The following THRB variants were observed in gnomAD, a reference collection of about 807,000 sequenced individuals.
THRB encodes the protein thyroid hormone receptor beta.
THRB carries 12 observed loss-of-function variants against 47.8 expected under a neutral mutation model. That is an observed-to-expected ratio of 0.25 (90% CI 0.16 to 0.41). The LOEUF (loss-of-function observed/expected upper bound fraction) is 0.41, where lower values mean the gene tolerates loss of function less well. Among genes scored for constraint, THRB ranks in the 10% least tolerant of loss-of-function variants. The pLI, the probability that THRB is intolerant of heterozygous loss-of-function variation, is 1.00. For missense variants in THRB, 348 were observed against 589.2 expected (o/e 0.59, Z 4.24); for synonymous variants, 218 against 212.2 (o/e 1.03, Z -0.24).
At chr3:24,186,091 C>G (rs1340453805) in intron 5 of THRB, among the ~76,000 whole-genome samples, 1 of 152,170 alleles carries the variant, frequency 6.6e-6, no homozygotes, top group East Asian at 1.9e-4. Flanking sequence ...TAAGTGCCCA[C>G]CAGGTGGCAG....
At chr3:24,385,371 A>C (rs2066015532) in intron 1 of THRB, among the ~76,000 whole-genome samples, 1 of 151,976 alleles carries the variant, frequency 6.6e-6, no homozygotes. Context: ...TTATTAAAGC[A>C]TTGCCAGAGA....
chr3:24,281,878 G>A (rs1051185955), intron 3 of THRB, among the ~76,000 whole-genome samples: 1 of 151,522 alleles, frequency 6.6e-6, no homozygotes, highest in African/African-American at 2.4e-5. Flanking sequence ...TCAACAAGAA[G>A]AGCTACCTAT....
At chr3:24,279,372 C>G (rs2054281958) in intron 3 of THRB, among the ~76,000 whole-genome samples, 1 of 151,922 alleles carries the variant, frequency 6.6e-6, no homozygotes, top group African/African-American at 2.4e-5. Flanking sequence ...TCTCCTCAAG[C>G]ATTGCAATGA....
intron 2 of THRB, among the ~76,000 whole-genome samples, chr3:24,300,625 T>A (rs141869374): frequency 6.0e-4 from 92 of 152,362 alleles, no homozygotes; most frequent in Admixed American, 1.4e-3. Flanking sequence ...AGATTGCTTT[T>A]CAAAAGTTCA....
chr3:24,455,508 G>T (rs1395538072), intron 1 of THRB: 1 of 152,104 alleles, frequency 6.6e-6, no homozygotes, highest in Non-Finnish European at 1.5e-5. Flanking sequence ...AATAATGGAA[G>T]CACAACTTTG....
intron 3 of THRB, among the ~76,000 whole-genome samples, chr3:24,249,963 T>C (rs1298047989): frequency 1.3e-5 from 2 of 152,234 alleles, no homozygotes; most frequent in African/African-American, 4.8e-5. Flanking sequence ...CCATTACTTT[T>C]AATGGCAGAA....
intron 1 of THRB, among the ~76,000 whole-genome samples, chr3:24,461,277 C>T (rs960984386): frequency 2.6e-5 from 4 of 152,180 alleles, no homozygotes; most frequent in Non-Finnish European, 4.4e-5. Flanking sequence ...TACTTAACTT[C>T]TCTGAGGTAG....
At chr3:24,355,496 G>A (rs1446332134) in intron 1 of THRB, among the ~76,000 whole-genome samples, 2 of 152,164 alleles carry the variant, frequency 1.3e-5, no homozygotes, top group Non-Finnish European at 2.9e-5. Flanking sequence ...ATGTATCAAT[G>A]TTGAATTTCC....
At chr3:24,480,608 T>G (rs1696213420) in intron 1 of THRB, among the ~76,000 whole-genome samples, 1 of 152,088 alleles carries the variant, frequency 6.6e-6, no homozygotes. Context: ...TTACTATAAT[T>G]CTAAGAGGCA....
chr3:24,330,122 G>A (rs1186250307), intron 2 of THRB, among the ~76,000 whole-genome samples: 1 of 151,862 alleles, frequency 6.6e-6, no homozygotes, highest in African/African-American at 2.4e-5. Flanking sequence ...TGGCTAACAA[G>A]GTGAAACCCC....
intron 1 of THRB, among the ~76,000 whole-genome samples, chr3:24,368,057 A>G (rs1577129949): frequency 6.6e-6 from 1 of 152,118 alleles, no homozygotes; most frequent in East Asian, 1.9e-4. Context: ...TCCCACATAC[A>G]AGATAACAAT....
At chr3:24,412,794 T>G (rs1050138897) in intron 1 of THRB, among the ~76,000 whole-genome samples, 8 of 151,864 alleles carry the variant, frequency 5.3e-5, no homozygotes, top group African/African-American at 1.9e-4. Context: ...TTTTTACAAT[T>G]TAAAGTTCAT....
intron 1 of THRB, among the ~76,000 whole-genome samples, chr3:24,450,061 G>A (rs1482176329): frequency 6.6e-6 from 1 of 151,326 alleles, no homozygotes; most frequent in African/African-American, 2.4e-5. Flanking sequence ...GAGGGAAGAA[G>A]GGAGAGAGAA....
chr3:24,234,229 G>C (rs1178536645), intron 3 of THRB, among the ~76,000 whole-genome samples: 2 of 152,096 alleles, frequency 1.3e-5, no homozygotes, highest in African/African-American at 4.8e-5. Flanking sequence ...TGAAAAATGG[G>C]TAAGCCATTT....
chr3:24,135,417 A>AT (rs1444208473), intron 8 of THRB, among the ~76,000 whole-genome samples: 4 of 151,852 alleles, frequency 2.6e-5, no homozygotes, highest in African/African-American at 9.7e-5. Context: ...TTTTTACTTT[A>AT]TTTTTTTGTG....
At chr3:24,363,835 A>G (rs1346649687) in intron 1 of THRB, among the ~76,000 whole-genome samples, 1 of 152,212 alleles carries the variant, frequency 6.6e-6, no homozygotes, top group African/African-American at 2.4e-5. Flanking sequence ...GGCAAAATCT[A>G]AAATTCTATG....
intron 1 of THRB, among the ~76,000 whole-genome samples, chr3:24,477,007 A>ATTTTTTTTTTTTTTTTTTTTTTTTTTTT (rs558247174): frequency 2.9e-4 from 37 of 126,464 alleles, no homozygotes; most frequent in African/African-American, 1.1e-3. Flanking sequence ...GGTTTTCAAG[A>ATTTTTTTTTTTTTTTTTTTTTTTTTTTT]TTTTTTTTTT....
chr3:24,124,647 TAAAG>T (rs1372178308), intron 10 of THRB, among the ~76,000 whole-genome samples: 2 of 152,358 alleles, frequency 1.3e-5, no homozygotes, highest in East Asian at 1.9e-4. Flanking sequence ...CAAAAGTTCT[TAAAG>T]AAATGTCTTT....
intron 3 of THRB, among the ~76,000 whole-genome samples, chr3:24,285,733 T>C (rs1340564224): frequency 6.6e-6 from 1 of 152,208 alleles, no homozygotes; most frequent in African/African-American, 2.4e-5. Context: ...TGCTATCATA[T>C]AAACAATTGC....
Sources: allele counts gnomAD v4.1 joint callset (sites outside exome capture counted in the v4.1 genomes callset), GRCh38; gene constraint gnomAD v4.1.1; transcripts MANE v1.5; gene names NCBI Gene and HGNC (gene_info 2026-07-23, HGNC 2026-07-21).